PRKG1: variants seen among roughly 807,000 people sequenced by gnomAD.
PRKG1 encodes protein kinase cGMP-dependent 1.
A neutral mutation model predicts 88.1 loss-of-function variants in PRKG1; 35 were observed. The ratio of observed to expected loss-of-function variants is 0.40; its 90% confidence interval spans 0.30 to 0.53. The LOEUF (loss-of-function observed/expected upper bound fraction) is 0.53, where lower values mean the gene tolerates loss of function less well. Ranked by LOEUF, PRKG1 falls within the 20% of genes least tolerant of loss-of-function variation. PRKG1 has a pLI of 0.59. For synonymous variants in PRKG1, 303 were observed against 292.5 expected, an observed-to-expected ratio of 1.04 and a Z score of -0.37; for missense variants, 540 against 839.8, an observed-to-expected ratio of 0.64 and a Z score of 4.41.
At chr10:51,132,281 G>A (rs4935228) in intron 1 of PRKG1, among the ~76,000 whole-genome samples, 76,687 of 152,038 alleles carry the variant, frequency 0.5, 20,598 homozygotes, top group East Asian at 0.71. Flanking sequence ...GAGGCTACTT[G>A]CCCTAATGCA....
At chr10:52,269,624 GA>G (rs1030522339) in intron 10 of PRKG1, among the ~76,000 whole-genome samples, 3 of 152,028 alleles carry the variant, frequency 2.0e-5, no homozygotes, top group African/African-American at 7.2e-5. Context: ...CTAAAGAGGG[GA>G]CAGCCATACT....
chr10:51,223,015 G>A (rs992110759), intron 2 of PRKG1, among the ~76,000 whole-genome samples: 2 of 151,700 alleles, frequency 1.3e-5, no homozygotes, highest in Non-Finnish European at 2.9e-5. Context: ...TGTGTGTGGC[G>A]GGGGGTGGTG....
intron 5 of PRKG1, chr10:51,911,271 G>T (rs571218118): frequency 2.0e-5 from 3 of 147,676 alleles, no homozygotes; most frequent in Non-Finnish European, 3.0e-5. Context: ...GTGTGTTGTT[G>T]TTTTTAAATC....
chr10:51,675,072 A>G (rs1013200041), intron 3 of PRKG1, among the ~76,000 whole-genome samples: 9 of 152,198 alleles, frequency 5.9e-5, no homozygotes, highest in Non-Finnish European at 7.3e-5. Flanking sequence ...AGAAGACTGA[A>G]TGGTTTTCAG....
chr10:51,215,854 A>G (rs1393966373), intron 2 of PRKG1, among the ~76,000 whole-genome samples: 1 of 152,250 alleles, frequency 6.6e-6, no homozygotes, highest in Non-Finnish European at 1.5e-5. Flanking sequence ...GTGTATGTAG[A>G]AAACCTAAAG....
chr10:51,860,721 T>C (rs914237973), intron 4 of PRKG1, among the ~76,000 whole-genome samples: 8 of 152,126 alleles, frequency 5.3e-5, no homozygotes, highest in Admixed American at 5.2e-4. Context: ...AAAATAGAAA[T>C]AAGGACTTTG....
intron 7 of PRKG1, among the ~76,000 whole-genome samples, chr10:52,093,978 C>T (rs1353013975): frequency 6.6e-6 from 1 of 152,130 alleles, no homozygotes; most frequent in Non-Finnish European, 1.5e-5. Flanking sequence ...CCTATGGTTG[C>T]AGAAATCAAC....
chr10:50,993,160 A>C (rs985972854), intron 1 of PRKG1, among the ~76,000 whole-genome samples: 9 of 152,150 alleles, frequency 5.9e-5, no homozygotes, highest in African/African-American at 2.2e-4. Context: ...AGGGAGGCTG[A>C]GCAGCGGTTC....
intron 2 of PRKG1, among the ~76,000 whole-genome samples, chr10:51,368,949 T>G (rs1196950664): frequency 2.0e-5 from 3 of 152,074 alleles, no homozygotes; most frequent in African/African-American, 7.2e-5. Context: ...TGTACTGTTA[T>G]TAAATTCTAG....
At chr10:51,926,750 GTTT>G (rs11324214) in intron 5 of PRKG1, among the ~76,000 whole-genome samples, 1 of 141,288 alleles carries the variant, frequency 7.1e-6, no homozygotes, top group Admixed American at 7.1e-5. Context: ...GCCTAGCATA[GTTT>G]TTTTTTTTTT....
At chr10:51,568,824 A>G (rs1837674352) in intron 3 of PRKG1, 1 of 152,082 alleles carries the variant, frequency 6.6e-6, no homozygotes, top group African/African-American at 2.4e-5. Context: ...AGATGCTAGT[A>G]TAACTGATAA....
chr10:52,130,128 T>C (rs982538989), intron 7 of PRKG1, among the ~76,000 whole-genome samples: 2 of 152,218 alleles, frequency 1.3e-5, no homozygotes, highest in South Asian at 2.1e-4. Flanking sequence ...AAATGGCAAA[T>C]ATTATAATTT....
intron 4 of PRKG1, among the ~76,000 whole-genome samples, chr10:51,806,018 A>G (rs577009217): frequency 6.6e-6 from 1 of 152,222 alleles, no homozygotes; most frequent in South Asian, 2.1e-4. Context: ...TGAGATATAT[A>G]TATGTATGTG....
chr10:51,486,396 A>G (rs185159801), intron 3 of PRKG1, among the ~76,000 whole-genome samples: 2 of 152,264 alleles, frequency 1.3e-5, no homozygotes, highest in East Asian at 3.9e-4. Context: ...AATGCTGGTG[A>G]TGGTTTCACA....
At chr10:52,232,071 G>C (rs1840536832) in intron 9 of PRKG1, among the ~76,000 whole-genome samples, 1 of 152,164 alleles carries the variant, frequency 6.6e-6, no homozygotes, top group East Asian at 1.9e-4. Flanking sequence ...GGGAGGCTGA[G>C]GCTGGCGGAT....
chr10:51,723,534 A>C (rs1042224256), intron 3 of PRKG1, among the ~76,000 whole-genome samples: 1 of 152,132 alleles, frequency 6.6e-6, no homozygotes, highest in Non-Finnish European at 1.5e-5. Flanking sequence ...TGAAAGGTTG[A>C]TGGGTGCAGC....
At chr10:51,555,643 T>C (rs1837290441) in intron 3 of PRKG1, among the ~76,000 whole-genome samples, 3 of 151,972 alleles carry the variant, frequency 2.0e-5, no homozygotes, top group African/African-American at 7.2e-5. Flanking sequence ...AAACACTAAG[T>C]ATGTTCCTTC....
At chr10:52,087,954 C>T (rs933308670) in intron 7 of PRKG1, among the ~76,000 whole-genome samples, 2 of 152,194 alleles carry the variant, frequency 1.3e-5, no homozygotes, top group Non-Finnish European at 1.5e-5. Context: ...ACACTGAGCA[C>T]AGTCATTTCT....
At chr10:51,567,597 G>C (rs1554822242) in intron 3 of PRKG1, among the ~76,000 whole-genome samples, 1 of 151,884 alleles carries the variant, frequency 6.6e-6, no homozygotes, top group Admixed American at 6.6e-5. Flanking sequence ...AAACCATACT[G>C]TTTTTTTGAG....
Sources: allele counts gnomAD v4.1 joint callset (sites outside exome capture counted in the v4.1 genomes callset), GRCh38; gene constraint gnomAD v4.1.1; transcripts MANE v1.5; gene names NCBI Gene and HGNC (gene_info 2026-07-23, HGNC 2026-07-21).